The following GJA1 variants were observed in gnomAD, a reference collection of about 807,000 sequenced individuals.
GJA1 encodes gap junction alpha-1 protein.
GJA1 carries 9 observed loss-of-function variants against 31.0 expected under a neutral mutation model. That is an observed-to-expected ratio of 0.29 (90% CI 0.17 to 0.51). The LOEUF (loss-of-function observed/expected upper bound fraction) is 0.51, where lower values mean the gene tolerates loss of function less well. GJA1 is among the 20% of genes least tolerant of loss of function. GJA1 has a pLI of 0.98. For missense variants in GJA1, 278 were observed against 468.8 expected (o/e 0.59, Z 3.76); for synonymous variants, 186 against 180.1 (o/e 1.03, Z -0.26).
chr6:121,448,000 C>T lies in GJA1; in HGVS notation c.*4C>T. The T allele has an allele frequency of 6.2e-7, 1 of 1,600,626 alleles. No homozygotes were observed. The highest frequency in any genetic ancestry group is 1.1e-5 in the South Asian group (1 of 90,936). ...GCCTGATGACCTGGAGATCTAGATA[C>T]AGGCTTGAAAGCATCAAGATTCCAC... On this transcript the variant is annotated 3_prime_UTR_variant, in exon 2 of 2. Transcript: ENST00000282561.
At position 121,447,597 on chromosome 6, in the gene GJA1, C is replaced by G; in HGVS notation, c.750C>G (p.Thr250=). ...VKGKSDPYHA[T]SGALSPAKDC... The stretch of plus-strand genomic sequence containing the variant: ...GAAAGAGCGACCCTTACCATGCGAC[C>G]AGTGGTGCGCTGAGCCCTGCCAAAG... The change falls in exon 2 of 2, where the codon ACC becomes ACG. Residue 250 remains threonine (T), a synonymous_variant. Coordinates refer to ENST00000282561, the MANE Select transcript of GJA1 (RefSeq NM_000165.5). The G allele has an allele frequency of 6.2e-7, 1 of 1,613,408 alleles. No homozygotes were observed. The highest frequency in any genetic ancestry group is 8.5e-7 in the Non-Finnish European group (1 of 1,179,832).
chr6:121,447,840 T>A lies in GJA1; in HGVS notation c.993T>A (p.His331Gln), dbSNP rs776458200. 1 of 1,613,900 alleles carries A rather than the reference T, an allele frequency of 6.2e-7. No homozygotes were observed. The highest frequency in any genetic ancestry group is 2.2e-5 in the East Asian group (1 of 44,874). ...CGGGAAGCACCATCTCTAACTCCCA[T>A]GCACAGCCTTTTGATTTCCCCGATG... ...GQAGSTISNSHAQPFDFPDDN... is the reference protein window; with the variant it reads ...GQAGSTISNSQAQPFDFPDDN... The change falls in exon 2 of 2, where the codon CAT (histidine) becomes CAA (glutamine). Residue 331 changes from histidine (H) to glutamine (Q), a missense_variant. By Grantham distance (24) the His-to-Gln change is conservative. Around this residue, in one of 3 missense-constraint regions of GJA1, gnomAD observed 172 missense variants for 190.9 expected, o/e 0.90. Coordinates refer to ENST00000282561, the MANE Select transcript of GJA1 (RefSeq NM_000165.5).
At chr6:121,446,666 G>A (rs980367950) in intron 1 of GJA1, among the ~76,000 whole-genome samples, 166 bp from the exon 2 acceptor site, 7 of 152,182 alleles carry the variant, frequency 4.6e-5, no homozygotes, top group Admixed American at 2.6e-4. Flanking sequence ...TCTTTTCTTC[G>A]TTGGCAAAAA....
chr6:121,447,387 C>T lies in GJA1; in HGVS notation c.540C>T (p.Ser180=). 1.2e-6 allele frequency: 2 copies of T among 1,613,986 alleles called. No homozygotes were observed. Residue 180 remains serine (S), a synonymous_variant, in exon 2 of 2, where the codon AGC becomes AGT. Coordinates refer to ENST00000282561, the MANE Select transcript of GJA1 (RefSeq NM_000165.5). The part of the protein sequence containing the change: ...LLIQWYIYGF[S]LSAVYTCKRD... ...TCCAGTGGTACATCTATGGATTCAG[C>T]TTGAGTGCTGTTTACACTTGCAAAA...
At chr6:121,445,390 C>A (rs1773870295) in intron 1 of GJA1, among the ~76,000 whole-genome samples, 1 of 152,144 alleles carries the variant, frequency 6.6e-6, no homozygotes, top group African/African-American at 2.4e-5. Flanking sequence ...CATGATCCAC[C>A]CGCCTCCCAA....
rs903940354 is a variant in GJA1, at chr6:121,448,988, G to A, written c.*992G>A. 4.8e-5 allele frequency: 8 copies of A among 166,022 alleles called. No homozygotes were observed. The highest frequency in any genetic ancestry group is 1.9e-4 in the African/African-American group (8 of 41,422). 10.3% of individuals were successfully genotyped at this position (166,022 alleles called of 1,614,324 possible). On this transcript the variant is annotated 3_prime_UTR_variant, in exon 2 of 2. Coordinates refer to ENST00000282561, the MANE Select transcript of GJA1 (RefSeq NM_000165.5). ...ATGGTGTTTACATTATATAATTCCT[G>A]CTGTGGCAAGTAAAGCACACTTTTT...
intron 1 of GJA1, among the ~76,000 whole-genome samples, chr6:121,445,235 TC>T (rs1189009031): frequency 6.6e-6 from 1 of 152,184 alleles, no homozygotes; most frequent in African/African-American, 2.4e-5. Flanking sequence ...AAGCTCCGCC[TC>T]CCGGGTTCAA....
intron 1 of GJA1, among the ~76,000 whole-genome samples, chr6:121,436,194 G>A (rs1773660497): frequency 1.0e-5 from 1 of 97,152 alleles, no homozygotes; most frequent in Admixed American, 1.2e-4. Flanking sequence ...TGGGGGGGGG[G>A]CGGTTAGGCG....
chr6:121,437,644 C>T (rs543088061), intron 1 of GJA1, among the ~76,000 whole-genome samples: 1 of 152,206 alleles, frequency 6.6e-6, no homozygotes, highest in African/African-American at 2.4e-5. Context: ...AGTGACCCAG[C>T]CAGCCTTTGC....
At position 121,447,008 on chromosome 6, in the gene GJA1, G is replaced by C; in HGVS notation, c.161G>C (p.Cys54Ser). 6.2e-7 allele frequency: 1 copy of C among 1,614,072 alleles called. No homozygotes were observed. The highest frequency in any genetic ancestry group is 8.5e-7 in the Non-Finnish European group (1 of 1,179,942). ...GGAGATGAGCAGTCTGCCTTTCGTT[G>C]TAACACTCAGCAACCTGGTTGTGAA... is the stretch of plus-strand genomic sequence containing the variant. ...AWGDEQSAFR[C>S]NTQQPGCENV... is the part of the protein sequence containing the mutation. The change falls in exon 2 of 2, where the codon TGT (cysteine) becomes TCT (serine). Residue 54 changes from cysteine to serine, a missense_variant. Physicochemically the swap from Cys to Ser is moderately radical, Grantham distance 112. Around this residue, in one of 3 missense-constraint regions of GJA1, gnomAD observed 26 missense variants for 114.4 expected, o/e 0.23. Coordinates refer to ENST00000282561, the MANE Select transcript of GJA1 (RefSeq NM_000165.5).
chr6:121,438,196 G>T (rs910165914), intron 1 of GJA1, among the ~76,000 whole-genome samples: 1 of 152,170 alleles, frequency 6.6e-6, no homozygotes, highest in Non-Finnish European at 1.5e-5. Flanking sequence ...CCAAAGTCAG[G>T]GTAGACTGGT....
At chr6:121,444,772 T>G (rs1333285768) in intron 1 of GJA1, among the ~76,000 whole-genome samples, 1 of 152,240 alleles carries the variant, frequency 6.6e-6, no homozygotes, top group Admixed American at 6.5e-5. Context: ...TTTTAATTAT[T>G]AAACAATCTT....
At chr6:121,444,151 C>A (rs575780433) in intron 1 of GJA1, among the ~76,000 whole-genome samples, 1 of 152,222 alleles carries the variant, frequency 6.6e-6, no homozygotes, top group African/African-American at 2.4e-5. Context: ...CTTTCCTTGG[C>A]TATTCAACTG....
chr6:121,440,676 A>G lies in GJA1; in HGVS notation c.-17+4844A>G, dbSNP rs1276224877. ...TTTTTTTTTTGCACAGTATCTTTCTATTTTTTGTGGAAGCCCCATTTAATT... is the reference window on the plus strand; with the variant it reads ...TTTTTTTTTTGCACAGTATCTTTCTGTTTTTTGTGGAAGCCCCATTTAATT... On this transcript the variant is annotated intron_variant, in intron 1 of 1. Transcript: ENST00000282561. Among the ~76,000 whole-genome samples, 4 of 143,230 alleles carry G rather than the reference A, an allele frequency of 2.8e-5. No individual in the cohort carries two copies. The South Asian group carries it at 8.6e-4, about 31-fold the overall frequency. 94.0% of individuals were successfully genotyped at this position (143,230 alleles called of 152,430 possible).
At chr6:121,437,346 C>A (rs958742685) in intron 1 of GJA1, among the ~76,000 whole-genome samples, 4 of 149,670 alleles carry the variant, frequency 2.7e-5, no homozygotes, top group Admixed American at 1.3e-4. Context: ...ATCCCTCTCA[C>A]ACCAGCCCTT....
intron 1 of GJA1, among the ~76,000 whole-genome samples, chr6:121,440,784 C>G (rs968863964): frequency 6.6e-6 from 1 of 152,062 alleles, no homozygotes; most frequent in Non-Finnish European, 1.5e-5. Context: ...CTCTATCACC[C>G]GGGTTGGAGT....
rs1773933070 is a variant in GJA1, at chr6:121,448,716, G to A, written c.*720G>A. The A allele has an allele frequency of 6.0e-6, 1 of 166,788 alleles. No homozygotes were observed. The highest frequency in any genetic ancestry group is 2.4e-5 in the African/African-American group (1 of 41,288). The allele number at this position is 166,788 out of a possible 1,614,324, so 10.3% of individuals were successfully genotyped here. On this transcript the variant is annotated 3_prime_UTR_variant, in exon 2 of 2. Transcript: ENST00000282561. ...CAGCTACTACTCACATTCATTTAAT[G>A]GTTTCTGTAAACATTTTTAAGACAG...
intron 1 of GJA1, among the ~76,000 whole-genome samples, chr6:121,442,594 A>AG (rs774658254): frequency 5.3e-5 from 8 of 152,224 alleles, no homozygotes; most frequent in Non-Finnish European, 1.2e-4. Context: ...TGAACAAGAA[A>AG]GGGCCAGAAA....
At position 121,449,341 on chromosome 6, in the gene GJA1, G is replaced by A. The variant is rs1309366443; in HGVS notation, c.*1345G>A. 6.0e-6 allele frequency: 1 copy of A among 167,038 alleles called. No homozygotes were observed. The highest frequency in any genetic ancestry group is 1.5e-5 in the Non-Finnish European group (1 of 68,116). The allele number at this position is 167,038 out of a possible 1,614,324, so 10.3% of individuals were successfully genotyped here. A position where few individuals can be genotyped will look rare whatever the true frequency, so the allele number is the denominator to read the frequency against. ...GAACTTGTATTCTATTATGAGTTTA[G>A]CAGTCTTTTGGAGTGACCAGCAACT... On this transcript the variant is annotated 3_prime_UTR_variant, in exon 2 of 2. Transcript: ENST00000282561.
Sources: gnomAD v4.1 joint callset for allele counts (sites outside exome capture counted in the v4.1 genomes callset) on GRCh38, gnomAD v4.1.1 for gene constraint, gnomAD v4.1.1 regional missense constraint, MANE v1.5 for transcripts, NCBI Gene and HGNC (gene_info 2026-07-23, HGNC 2026-07-21) for gene names.